ATRNL1: variants seen among roughly 807,000 people sequenced by gnomAD.
The protein encoded by ATRNL1 is attractin like 1, also known as attractin-like protein 1.
A neutral mutation model predicts 182.7 loss-of-function variants in ATRNL1; 95 were observed. That is an observed-to-expected ratio of 0.52 (90% confidence interval 0.44 to 0.62). The LOEUF (loss-of-function observed/expected upper bound fraction) is 0.62. Among genes scored for constraint, ATRNL1 ranks in the 20% least tolerant of loss-of-function variants. ATRNL1 has a pLI of 0.00. For missense variants in ATRNL1, 1,471 were observed against 1,679.5 expected (o/e 0.88, Z 2.17); for synonymous variants, 576 against 568.3 (o/e 1.01, Z -0.19).
intron 21 of ATRNL1, among the ~76,000 whole-genome samples, chr10:115,458,729 G>A (rs149432465): frequency 2.1e-3 from 326 of 152,106 alleles, no homozygotes; most frequent in African/African-American, 7.4e-3. Flanking sequence ...CTCCAAAAGG[G>A]CATTTATTTC....
chr10:115,121,690 C>G lies in ATRNL1; in HGVS notation c.378-9C>G. 2.3e-6 allele frequency: 3 copies of G among 1,283,392 alleles called. No individual in the cohort carries two copies. The highest frequency in any genetic ancestry group is 3.2e-6 in the Non-Finnish European group (3 of 926,780). 79.5% of individuals were successfully genotyped at this position (1,283,392 alleles called of 1,614,324 possible). ...TTTAATTTGAAAAATATTTCATATT[C>G]ATTTTCAGTCCAAATGCAGTGTTAA... On this transcript the variant is annotated splice_polypyrimidine_tract_variant and intron_variant, in intron 2 of 28. Coordinates refer to ENST00000355044, the MANE Select transcript of ATRNL1 (RefSeq NM_207303.4).
At position 115,528,004 on chromosome 10, in the gene ATRNL1, T is replaced by C. The variant is rs185449014; in HGVS notation, c.3716+8680T>C. Among the ~76,000 whole-genome samples the C allele has an allele frequency of 1.9e-4, 9 of 48,352 alleles. 1 individual carries two copies. The highest frequency in any genetic ancestry group is 9.5e-4 in the African/African-American group (7 of 7,354). The allele number at this position is 48,352 out of a possible 152,430, so 31.7% of individuals were successfully genotyped here. A position where few individuals can be genotyped will look rare whatever the true frequency, so the allele number is the denominator to read the frequency against. On this transcript the variant is annotated intron_variant, in intron 25 of 28. Transcript: ENST00000355044. Reference sequence around the variant, plus strand: ...TCCCTCCCTCCCTCCCTCCCTTCCTTCCTTCCTTCCTTCCTTCCTTCCCTC... The same window carrying C: ...TCCCTCCCTCCCTCCCTCCCTTCCTCCCTTCCTTCCTTCCTTCCTTCCCTC...
At chr10:115,750,897 C>G (rs1555070466) in intron 27 of ATRNL1, among the ~76,000 whole-genome samples, 1 of 151,948 alleles carries the variant, frequency 6.6e-6, no homozygotes, top group East Asian at 1.9e-4. Context: ...ATTGAAATCA[C>G]TGAAATTACT....
intron 24 of ATRNL1, among the ~76,000 whole-genome samples, chr10:115,515,603 C>T (rs1850598019): frequency 6.6e-6 from 1 of 151,712 alleles, no homozygotes; most frequent in Admixed American, 6.6e-5. Context: ...TTAAAATGTT[C>T]TATGGATTAA....
intron 24 of ATRNL1, among the ~76,000 whole-genome samples, chr10:115,486,445 G>C (rs186678209): frequency 5.3e-5 from 8 of 152,142 alleles, no homozygotes; most frequent in African/African-American, 1.7e-4. Flanking sequence ...CATTCTAACT[G>C]CCATGAGATG....
chr10:115,455,538 G>GAA (rs1189205152), intron 21 of ATRNL1, among the ~76,000 whole-genome samples: 1 of 152,100 alleles, frequency 6.6e-6, no homozygotes, highest in Non-Finnish European at 1.5e-5. Context: ...ATCCCTAGAA[G>GAA]AAAACCTAGG....
At chr10:115,851,600 G>A (rs1217927450) in intron 28 of ATRNL1, among the ~76,000 whole-genome samples, 1 of 152,106 alleles carries the variant, frequency 6.6e-6, no homozygotes, top group African/African-American at 2.4e-5. Flanking sequence ...AAATTTAGGT[G>A]CTTGGGAGAA....
chr10:115,114,459 C>G (rs1296860581), intron 1 of ATRNL1, among the ~76,000 whole-genome samples: 1 of 152,106 alleles, frequency 6.6e-6, no homozygotes, highest in Admixed American at 6.6e-5. Flanking sequence ...ACAACCTACA[C>G]ATTGAGAGAA....
At chr10:115,332,348 G>C (rs1855266539) in intron 18 of ATRNL1, among the ~76,000 whole-genome samples, 1 of 152,096 alleles carries the variant, frequency 6.6e-6, no homozygotes, top group South Asian at 2.1e-4. Context: ...TTTAGCCCTC[G>C]TGAAGGCAAT....
intron 13 of ATRNL1, among the ~76,000 whole-genome samples, chr10:115,280,413 G>T (rs1852307523): frequency 6.6e-6 from 1 of 152,164 alleles, no homozygotes; most frequent in South Asian, 2.1e-4. Flanking sequence ...AGAGGAAAAG[G>T]ACCATGGTTT....
rs1273875690 is a variant in ATRNL1 at position 115,930,897 on chromosome 10, GAACA to G, written c.4019-13754_4019-13751del. Among the ~76,000 whole-genome samples the G allele has an allele frequency of 1.3e-4, 20 of 152,150 alleles. 1 individual carries two copies. Among genetic ancestry groups the G allele is most frequent in the African/African-American group, 4.1e-4 (17 of 41,522 alleles). Reference sequence around the variant, plus strand: ...CTCCATCTTCTCTCAGTTAGCACTTGAACAAACAAAGAAAAACAACTGGTCTGCT... The same window carrying G: ...CTCCATCTTCTCTCAGTTAGCACTTGAACAAAGAAAAACAACTGGTCTGCT... On this transcript the variant is annotated intron_variant, in intron 28 of 28. Coordinates refer to ENST00000355044, the MANE Select transcript of ATRNL1 (RefSeq NM_207303.4).
chr10:115,780,386 G>A (rs572125881), intron 27 of ATRNL1, among the ~76,000 whole-genome samples: 29 of 152,302 alleles, frequency 1.9e-4, no homozygotes, highest in Admixed American at 5.2e-4. Flanking sequence ...AGTCTAGGCC[G>A]TGAGGACGGC....
At chr10:115,405,875 A>C (rs1445386284) in intron 20 of ATRNL1, among the ~76,000 whole-genome samples, 5 of 118,296 alleles carry the variant, frequency 4.2e-5, no homozygotes, top group African/African-American at 1.7e-4. Flanking sequence ...CCAGTTTGTG[A>C]TGTCCCCCTT....
At chr10:115,426,136 G>A (rs1845875299) in intron 20 of ATRNL1, 114 bp from the exon 21 acceptor site, 6 of 698,370 alleles carry the variant, frequency 8.6e-6, no homozygotes, top group Admixed American at 5.6e-5. Flanking sequence ...TCAAATAATG[G>A]TATAGTTTTA....
chr10:115,132,775 G>T (rs1592144517), intron 5 of ATRNL1, among the ~76,000 whole-genome samples: 1 of 152,266 alleles, frequency 6.6e-6, no homozygotes, highest in Admixed American at 6.5e-5. Context: ...TTTTGATGGG[G>T]TTGTTTGATT....
At chr10:115,376,715 T>C (rs1857691256) in intron 19 of ATRNL1, among the ~76,000 whole-genome samples, 1 of 152,132 alleles carries the variant, frequency 6.6e-6, no homozygotes, top group Non-Finnish European at 1.5e-5. Flanking sequence ...GGATTCATCT[T>C]ACTTGAGATT....
intron 25 of ATRNL1, among the ~76,000 whole-genome samples, chr10:115,540,389 T>C (rs1278098593): frequency 6.6e-6 from 1 of 152,106 alleles, no homozygotes; most frequent in African/African-American, 2.4e-5. Flanking sequence ...ATTATCTCTC[T>C]AGAGAATATC....
At chr10:115,544,072 T>G (rs529717460) in intron 25 of ATRNL1, among the ~76,000 whole-genome samples, 44 of 152,254 alleles carry the variant, frequency 2.9e-4, no homozygotes, top group Admixed American at 4.6e-4. Context: ...AGCTTTTGCA[T>G]AATGTGATAG....
intron 26 of ATRNL1, among the ~76,000 whole-genome samples, chr10:115,689,661 A>C (rs1248687069): frequency 6.6e-6 from 1 of 152,170 alleles, no homozygotes; most frequent in Non-Finnish European, 1.5e-5. Flanking sequence ...TAGTGGCAGC[A>C]GTGGACCAGG....
Sources: allele counts gnomAD v4.1 joint callset (sites outside exome capture counted in the v4.1 genomes callset), GRCh38; gene constraint gnomAD v4.1.1; transcripts MANE v1.5; gene names NCBI Gene and HGNC (gene_info 2026-07-23, HGNC 2026-07-21).